The following FAT3 variants were observed in gnomAD, a reference collection of about 807,000 sequenced individuals.
The protein encoded by FAT3 is FAT atypical cadherin 3.
FAT3 carries 95 observed loss-of-function variants against 310.2 expected under a neutral mutation model. The observed-to-expected ratio is 0.31, with a 90% CI of 0.26 to 0.36. The LOEUF (loss-of-function observed/expected upper bound fraction) is 0.36. Among genes scored for constraint, FAT3 ranks in the 10% least tolerant of loss-of-function variants. FAT3 has a pLI of 1.00. For synonymous variants in FAT3, 2,314 were observed against 2,192.9 expected, an observed-to-expected ratio of 1.06 and a Z score of -1.54; for missense variants, 5,408 against 5,715.6, an observed-to-expected ratio of 0.95 and a Z score of 1.74.
intron 2 of FAT3, among the ~76,000 whole-genome samples, chr11:92,457,177 A>C (rs548839433): frequency 9.8e-5 from 15 of 152,304 alleles, no homozygotes; most frequent in Admixed American, 3.3e-4. Context: ...CAGTCCCCTA[A>C]GCCTCTCTTT....
At chr11:92,638,909 A>G (rs1471932421) in intron 3 of FAT3, among the ~76,000 whole-genome samples, 1 of 152,154 alleles carries the variant, frequency 6.6e-6, no homozygotes, top group Non-Finnish European at 1.5e-5. Context: ...TTGATTATTA[A>G]CTTCTTGGAG....
At chr11:92,260,275 G>C (rs561882126) in intron 1 of FAT3, among the ~76,000 whole-genome samples, 54 of 151,996 alleles carry the variant, frequency 3.6e-4, no homozygotes, top group African/African-American at 1.0e-3. Flanking sequence ...TGTTTTAAGA[G>C]CGGTCATTTG....
intron 3 of FAT3, among the ~76,000 whole-genome samples, chr11:92,638,702 C>A (rs574936300): frequency 1.3e-5 from 2 of 152,174 alleles, no homozygotes; most frequent in East Asian, 3.9e-4. Flanking sequence ...GAAGACATTC[C>A]GATGTAAATT....
chr11:92,762,340 T>C (rs767462437), intron 5 of FAT3, among the ~76,000 whole-genome samples, 170 bp downstream of exon 5: 19 of 152,196 alleles, frequency 1.2e-4, no homozygotes, highest in Non-Finnish European at 2.1e-4. Flanking sequence ...GCCTGTTTCA[T>C]TGATATTCTT....
At chr11:92,349,278 G>A (rs940268936) in intron 1 of FAT3, among the ~76,000 whole-genome samples, 6 of 152,088 alleles carry the variant, frequency 3.9e-5, no homozygotes, top group African/African-American at 1.2e-4. Context: ...ATTCCCTTAC[G>A]AGAGACTCGC....
chr11:92,234,649 A>G (rs1327802403), intron 1 of FAT3, among the ~76,000 whole-genome samples: 3 of 152,104 alleles, frequency 2.0e-5, no homozygotes, highest in Non-Finnish European at 4.4e-5. Flanking sequence ...CATGCCTGTA[A>G]TCCCAGCATT....
intron 4 of FAT3, among the ~76,000 whole-genome samples, chr11:92,698,507 C>T (rs1403391647): frequency 6.6e-6 from 1 of 152,050 alleles, no homozygotes; most frequent in Non-Finnish European, 1.5e-5. Context: ...TCCTTTATAC[C>T]TCAAAAGATC....
At chr11:92,751,824 CCAAA>C (rs1356040374) in intron 4 of FAT3, among the ~76,000 whole-genome samples, 1 of 152,122 alleles carries the variant, frequency 6.6e-6, no homozygotes, top group Non-Finnish European at 1.5e-5. Flanking sequence ...TGCTGCCACG[CCAAA>C]CAGACTTGGG....
intron 15 of FAT3, among the ~76,000 whole-genome samples, chr11:92,835,351 A>G (rs1316504180): frequency 6.6e-6 from 1 of 152,230 alleles, no homozygotes; most frequent in Non-Finnish European, 1.5e-5. Flanking sequence ...AAAATAAAAC[A>G]GACCATGGGA....
In FAT3 at chr11:92,883,765, A is replaced by AGT. The variant is rs374834510; in HGVS notation, c.12937+383_12937+384dup. ...CTAGTTATTGTGTATAAATTATAAT[A>AGT]GTGTGTGTGTGTCTGGGCCTATGTA... is the stretch of plus-strand genomic sequence containing the variant. On this transcript the variant is annotated intron_variant, in intron 24 of 27. Coordinates refer to ENST00000525166, the MANE Select transcript of FAT3 (RefSeq NM_001367949.2). This position sits in a 1 kb window ranked among gnomAD's most constrained non-coding sequence, Gnocchi z 4.2. 6.6e-6 allele frequency among the ~76,000 whole-genome samples: 1 copy of AGT among 152,268 alleles called. No homozygotes were observed. The highest frequency in any genetic ancestry group is 2.4e-5 in the African/African-American group (1 of 41,546).
rs575486241 is a variant in FAT3 at position 92,880,511 on chromosome 11, T to C, written c.12128-220T>C. ...TCTCACTAGCATTCATGTATGTGGT[T>C]AATTAGGTGAATTTTTGTGGGCTAG... On this transcript the variant is annotated intron_variant, in intron 22 of 27. Coordinates refer to ENST00000525166, the MANE Select transcript of FAT3 (RefSeq NM_001367949.2). Among the ~76,000 whole-genome samples, 26 of 152,098 alleles carry C rather than the reference T, an allele frequency of 1.7e-4. 1 individual carries two copies. In the South Asian group the frequency reaches 5.2e-3, roughly 30 times the overall value.
chr11:92,481,912 C>A (rs961727900), intron 2 of FAT3, among the ~76,000 whole-genome samples: 1 of 152,038 alleles, frequency 6.6e-6, no homozygotes, highest in Non-Finnish European at 1.5e-5. Context: ...TTTGTGAAAG[C>A]ACACATAAAG....
chr11:92,752,191 A>G (rs1010155671), intron 4 of FAT3, among the ~76,000 whole-genome samples: 1 of 152,264 alleles, frequency 6.6e-6, no homozygotes, highest in Non-Finnish European at 1.5e-5. Context: ...TTATTGCAGC[A>G]TGGCTGCATT....
At chr11:92,819,271 G>T (rs1335628104) in intron 13 of FAT3, among the ~76,000 whole-genome samples, 1 of 152,192 alleles carries the variant, frequency 6.6e-6, no homozygotes, top group Non-Finnish European at 1.5e-5. Context: ...AACAGTCTCA[G>T]TATCACCTGG....
rs144643207 is a variant in FAT3 at position 92,596,191 on chromosome 11, C to T, written c.3607+71243C>T. Among the ~76,000 whole-genome samples the T allele has an allele frequency of 3.1e-3, 471 of 152,242 alleles. 3 individuals carry two copies. Among genetic ancestry groups the T allele is most frequent in the African/African-American group, 0.011 (452 of 41,554 alleles). ...CGAGCCTACTCGTGTTGGGTAGGCA[C>T]CCCATTTTTGAGGGCTTCACCATTG... On this transcript the variant is annotated intron_variant, in intron 3 of 27. Transcript: ENST00000525166.
chr11:92,873,706 G>C (rs937169521), intron 22 of FAT3, among the ~76,000 whole-genome samples: 1 of 152,148 alleles, frequency 6.6e-6, no homozygotes, highest in Non-Finnish European at 1.5e-5. Flanking sequence ...TTTTAAGTTG[G>C]TCTGGATGCA....
chr11:92,850,970 A>G (rs549333248), intron 19 of FAT3, among the ~76,000 whole-genome samples: 2 of 152,310 alleles, frequency 1.3e-5, no homozygotes, highest in South Asian at 4.1e-4. Flanking sequence ...TGAGCAAAAA[A>G]TCAGGAGGTG....
chr11:92,591,786 A>T (rs1287845740), intron 3 of FAT3, among the ~76,000 whole-genome samples: 1 of 152,204 alleles, frequency 6.6e-6, no homozygotes, highest in Non-Finnish European at 1.5e-5. Context: ...CTAGCTTTTG[A>T]CATACGAATT....
chr11:92,294,479 A>C (rs549100616), intron 1 of FAT3, among the ~76,000 whole-genome samples: 1 of 152,114 alleles, frequency 6.6e-6, no homozygotes, highest in African/African-American at 2.4e-5. Flanking sequence ...GCCATTGCCA[A>C]GTCATACTAT....
Sources: gnomAD v4.1 joint callset for allele counts (sites outside exome capture counted in the v4.1 genomes callset) on GRCh38, gnomAD v4.1.1 for gene constraint, Gnocchi (gnomAD v3.1) non-coding constraint, MANE v1.5 for transcripts, NCBI Gene and HGNC (gene_info 2026-07-23, HGNC 2026-07-21) for gene names.